SLA: variants seen among roughly 807,000 people sequenced by gnomAD.
SLA encodes src-like-adapter.
A neutral mutation model predicts 30.3 loss-of-function variants in SLA; 16 were observed. That is an observed-to-expected ratio of 0.53 (90% CI 0.36 to 0.80). The LOEUF is 0.80. Ranked by LOEUF, SLA falls within the 30% of genes least tolerant of loss-of-function variation. The probability of loss-of-function intolerance (pLI) is 0.01; values close to 1 mark genes in which losing one functional copy is unlikely to be tolerated. For synonymous variants in SLA, 143 were observed against 137.8 expected, an observed-to-expected ratio of 1.04 and a Z score of -0.26; for missense variants, 310 against 345.2, an observed-to-expected ratio of 0.90 and a Z score of 0.81.
At chr8:133,050,259 C>A in intron 4 of SLA, 1 of 493,360 alleles carries the variant, frequency 2.0e-6, no homozygotes, top group Non-Finnish European at 3.7e-6. Context: ...GCTAATGTTC[C>A]CAACTGTTGG....
At chr8:133,041,861 C>T (rs557954164) in intron 7 of SLA, among the ~76,000 whole-genome samples, 42 of 148,080 alleles carry the variant, frequency 2.8e-4, no homozygotes, top group African/African-American at 9.6e-4. Context: ...GATCTTGGCT[C>T]ATTGCAACCT....
chr8:133,098,404 TA>T (rs1848754872), intron 1 of SLA, among the ~76,000 whole-genome samples: 1 of 152,214 alleles, frequency 6.6e-6, no homozygotes, highest in South Asian at 2.1e-4. Flanking sequence ...TTGCTGCCCC[TA>T]AACACTGTCC....
chr8:133,098,837 C>T (rs562168226), intron 1 of SLA, among the ~76,000 whole-genome samples: 7 of 152,186 alleles, frequency 4.6e-5, no homozygotes, highest in African/African-American at 9.6e-5. Flanking sequence ...TGATTATGCC[C>T]GTTCATTGTG....
In SLA at chr8:133,038,549, G is replaced by A. The variant is rs751008221; in HGVS notation, c.806C>T (p.Ser269Leu). 1.9e-5 allele frequency: 31 copies of A among 1,613,338 alleles called. No homozygotes were observed. The highest frequency in any genetic ancestry group is 2.5e-5 in the Non-Finnish European group (29 of 1,179,360). ...CTAGTCCTCAAAGTAAGGTGGTGAT[G>A]AGAAGAATGAGCTCTTTCTCTTGCT... Reference protein sequence around the residue: ...GGSKRKSSFFSSPPYFED With the variant: ...GGSKRKSSFFLSPPYFED Residue 269 changes from serine to leucine, a missense_variant, in exon 9 of 9, where the codon TCA (serine) becomes TTA (leucine). Ser to Leu is a moderately radical substitution (Grantham distance 145, BLOSUM62 -2). Transcript: ENST00000338087.
At chr8:133,045,387 C>CTTTTTT (rs5895172) in intron 6 of SLA, among the ~76,000 whole-genome samples, 272 of 65,880 alleles carry the variant, frequency 4.1e-3, no homozygotes, top group Middle Eastern at 0.028. Context: ...ATCCTCTTTG[C>CTTTTTT]TTTTTTTTTT....
At chr8:133,047,006 AGTT>A (rs1839546898) in intron 6 of SLA, 1 of 152,196 alleles carries the variant, frequency 6.6e-6, no homozygotes, top group African/African-American at 2.4e-5. Context: ...ATTTTAAAAA[AGTT>A]ATTATTATTA....
chr8:133,058,188 G>C lies in SLA; in HGVS notation c.61+1912C>G, dbSNP rs1349414436. ...CGCCTTCCCCTCCCTTACTCAAGTA[G>C]GTAGAAGAGAAAAGAGGAAACAACG... On this transcript the variant is annotated intron_variant, in intron 3 of 8. Transcript: ENST00000338087. Among the ~76,000 whole-genome samples the C allele has an allele frequency of 3.3e-5, 5 of 152,282 alleles. No individual in the cohort carries two copies. In the East Asian group the frequency reaches 9.7e-4, roughly 29 times the overall value.
intron 2 of SLA, among the ~76,000 whole-genome samples, chr8:133,062,342 T>C (rs1381580238): frequency 6.6e-6 from 1 of 152,234 alleles, no homozygotes; most frequent in East Asian, 1.9e-4. Flanking sequence ...TACATTGGCC[T>C]TGTCTCCATT....
At chr8:133,043,426 C>G (rs927416384) in intron 7 of SLA, among the ~76,000 whole-genome samples, 2 of 152,216 alleles carry the variant, frequency 1.3e-5, no homozygotes, top group South Asian at 4.1e-4. Flanking sequence ...TCCAGGACTC[C>G]CTTCCTCTTT....
At chr8:133,059,360 G>T (rs547853759) in intron 3 of SLA, among the ~76,000 whole-genome samples, 1 of 152,308 alleles carries the variant, frequency 6.6e-6, no homozygotes, top group Admixed American at 6.5e-5. Context: ...ATTAGAAGGG[G>T]CCAGCATAGC....
chr8:133,048,937 T>C (rs1421029998), intron 5 of SLA: 1 of 312,424 alleles, frequency 3.2e-6, no homozygotes, highest in Non-Finnish European at 6.5e-6. Flanking sequence ...TAGAGTCCTC[T>C]GGACATGAAG....
At chr8:133,100,376 T>G (rs1744892574) in intron 1 of SLA, among the ~76,000 whole-genome samples, 1 of 152,210 alleles carries the variant, frequency 6.6e-6, no homozygotes, top group Non-Finnish European at 1.5e-5. Flanking sequence ...GTCTGTTGTC[T>G]TTCTTCCCCA....
chr8:133,088,459 T>C (rs1383351104), intron 1 of SLA, among the ~76,000 whole-genome samples: 2 of 152,216 alleles, frequency 1.3e-5, no homozygotes, highest in East Asian at 1.9e-4. Context: ...ATCAGTTCTA[T>C]GACCTTGGAA....
chr8:133,083,088 A>G (rs1055075178), intron 1 of SLA, among the ~76,000 whole-genome samples: 2 of 152,316 alleles, frequency 1.3e-5, no homozygotes, highest in East Asian at 3.9e-4. Context: ...TGGCCAAAAC[A>G]ATATTTCAAT....
At chr8:133,064,511 G>A (rs1842803168) in intron 2 of SLA, among the ~76,000 whole-genome samples, 1 of 152,104 alleles carries the variant, frequency 6.6e-6, no homozygotes. Context: ...TCCTGGAGCT[G>A]GAAACCTCAC....
At chr8:133,088,089 C>T (rs767648642) in intron 1 of SLA, among the ~76,000 whole-genome samples, 4 of 152,166 alleles carry the variant, frequency 2.6e-5, no homozygotes, top group African/African-American at 9.7e-5. Context: ...CCAATAGAGG[C>T]GAGAGCTCTG....
At chr8:133,053,353 A>T (rs1355532764) in intron 3 of SLA, among the ~76,000 whole-genome samples, 2 of 152,206 alleles carry the variant, frequency 1.3e-5, no homozygotes, top group Non-Finnish European at 2.9e-5. Flanking sequence ...CTGTGTCTGT[A>T]GCCTGTGCCA....
At chr8:133,055,036 A>C (rs1260260365) in intron 3 of SLA, among the ~76,000 whole-genome samples, 1 of 152,110 alleles carries the variant, frequency 6.6e-6, no homozygotes, top group Non-Finnish European at 1.5e-5. Context: ...AAGCTGGGAG[A>C]GTTTTAGTCA....
At chr8:133,069,523 T>G (rs1250166827) in intron 2 of SLA, among the ~76,000 whole-genome samples, 1 of 152,142 alleles carries the variant, frequency 6.6e-6, no homozygotes, top group Admixed American at 6.5e-5. Flanking sequence ...CCTCCTTAGC[T>G]CCTCAGGAAA....
Sources: allele counts gnomAD v4.1 joint callset (sites outside exome capture counted in the v4.1 genomes callset), GRCh38; gene constraint gnomAD v4.1.1; transcripts MANE v1.5; gene names NCBI Gene and HGNC (gene_info 2026-07-23, HGNC 2026-07-21).